Variants in TRMT11 observed in about 807,000 individuals in gnomAD.
TRMT11 encodes tRNA methyltransferase 11, also known as tRNA (guanine(10)-N(2))-methyltransferase TRMT11.
A neutral mutation model predicts 62.8 loss-of-function variants in TRMT11; 53 were observed. The observed-to-expected ratio is 0.84, with a 90% CI of 0.68 to 1.06. The LOEUF (loss-of-function observed/expected upper bound fraction) is 1.06. TRMT11 is among the 50% of genes least tolerant of loss of function. The pLI is 0.00. For missense variants in TRMT11, 556 were observed against 553.4 expected (o/e 1.00, Z -0.05); for synonymous variants, 188 against 190.3 (o/e 0.99, Z 0.10).
At chr6:126,048,821 CT>C (rs1368173667) in intron 16 of TRMT11, among the ~76,000 whole-genome samples, 1 of 152,154 alleles carries the variant, frequency 6.6e-6, no homozygotes, top group Non-Finnish European at 1.5e-5. Context: ...TACCTCAGAC[CT>C]TCCTCCACCC....
chr6:126,044,099 T>G (rs555936771), downstream of TRMT11, among the ~76,000 whole-genome samples: 28 of 152,006 alleles, frequency 1.8e-4, no homozygotes, highest in Non-Finnish European at 3.4e-4. Flanking sequence ...TTGCCATTGC[T>G]TTTGGTGTTT....
chr6:126,101,670 C>T (rs187924079), intron 17 of TRMT11, among the ~76,000 whole-genome samples: 6 of 152,300 alleles, frequency 3.9e-5, no homozygotes, highest in Admixed American at 3.3e-4. Flanking sequence ...TGAAAATACC[C>T]TGGAGGCACA....
chr6:126,042,532 G>T (rs766084175), downstream of TRMT11, among the ~76,000 whole-genome samples: 3 of 152,138 alleles, frequency 2.0e-5, no homozygotes, highest in Admixed American at 6.6e-5. Context: ...GTGATATTAA[G>T]ATGTGCTTAG....
the TRMT11 span, among the ~76,000 whole-genome samples, chr6:126,272,178 G>A: frequency 7.2e-5 from 11 of 152,152 alleles, no homozygotes; most frequent in East Asian, 1.9e-4. Flanking sequence ...TGTATATGGC[G>A]CTTGCATTGG....
At chr6:126,175,448 G>T (rs1367112118), upstream of TRMT11, among the ~76,000 whole-genome samples, 1 of 152,140 alleles carries the variant, frequency 6.6e-6, no homozygotes, top group African/African-American at 2.4e-5. Context: ...GCAAGAGTTA[G>T]TTTATTTTGT....
At chr6:126,139,515 C>T (rs1293573910) in intron 21 of TRMT11, among the ~76,000 whole-genome samples, 1 of 151,928 alleles carries the variant, frequency 6.6e-6, no homozygotes, top group African/African-American at 2.4e-5. Flanking sequence ...ATTACAGGCG[C>T]CTGCTACCAC....
At chr6:126,267,480 C>T in the TRMT11 span, among the ~76,000 whole-genome samples, 1 of 152,094 alleles carries the variant, frequency 6.6e-6, no homozygotes, top group African/African-American at 2.4e-5. Context: ...GCTATTAGGG[C>T]CAAATTATAT....
the TRMT11 span, among the ~76,000 whole-genome samples, chr6:126,271,428 C>G: frequency 6.9e-6 from 1 of 145,892 alleles, no homozygotes; most frequent in Non-Finnish European, 1.5e-5. Flanking sequence ...GCAAAACTGA[C>G]CTATGTGATA....
chr6:126,053,010 A>G (rs1293151892), intron 16 of TRMT11, among the ~76,000 whole-genome samples: 1 of 152,170 alleles, frequency 6.6e-6, no homozygotes, highest in African/African-American at 2.4e-5. Context: ...TAAATGGCCC[A>G]GAAGACTTGC....
chr6:126,058,705 G>T (rs1221293061), intron 17 of TRMT11, among the ~76,000 whole-genome samples: 2 of 152,052 alleles, frequency 1.3e-5, no homozygotes, highest in East Asian at 3.9e-4. Context: ...AAAGAGAGAA[G>T]AATCAAATAG....
At chr6:126,061,909 A>G (rs1013990044) in intron 17 of TRMT11, among the ~76,000 whole-genome samples, 1 of 151,964 alleles carries the variant, frequency 6.6e-6, no homozygotes, top group African/African-American at 2.4e-5. Context: ...TTGAGACAGG[A>G]TCTCCTTCTC....
chr6:126,026,395 T>A (rs77303934), intron 12 of TRMT11, among the ~76,000 whole-genome samples: 1 of 150,252 alleles, frequency 6.7e-6, no homozygotes, highest in Non-Finnish European at 1.5e-5. Context: ...TTTTTTTTAA[T>A]TTTTTTTTTG....
chr6:126,088,696 T>G (rs1230774636), intron 17 of TRMT11, among the ~76,000 whole-genome samples: 1 of 152,248 alleles, frequency 6.6e-6, no homozygotes, highest in African/African-American at 2.4e-5. Flanking sequence ...ACTTTCCTTC[T>G]AGACATCTCT....
chr6:126,139,553 G>C (rs1467975076), intron 21 of TRMT11, among the ~76,000 whole-genome samples: 1 of 151,960 alleles, frequency 6.6e-6, no homozygotes, highest in African/African-American at 2.4e-5. Flanking sequence ...ATTTTTAGTA[G>C]AGATGGGGTT....
chr6:126,034,518 T>C (rs572029411), intron 12 of TRMT11, among the ~76,000 whole-genome samples: 1 of 152,258 alleles, frequency 6.6e-6, no homozygotes, highest in East Asian at 1.9e-4. Context: ...AAAATGATAA[T>C]AGTATAGTCA....
In TRMT11 at chr6:126,147,034, G is replaced by A. The variant is rs1176956890; in HGVS notation, c.*1824-27791G>A. ...TCATATTTTCAATTGTAGGCTCTCA[G>A]GTTAAGGAAAGATTTAAGCAGTTCA... On this transcript the variant is annotated intron_variant and NMD_transcript_variant, in intron 21 of 22. Transcript: ENST00000648977. Among the ~76,000 whole-genome samples the A allele has an allele frequency of 1.5e-4, 6 of 40,932 alleles. 2 individuals carry two copies. Among genetic ancestry groups the A allele is most frequent in the Non-Finnish European group, 3.3e-4 (5 of 15,026 alleles). The allele number at this position is 40,932 out of a possible 152,430, so 26.9% of individuals were successfully genotyped here. A position where few individuals can be genotyped will look rare whatever the true frequency, so the allele number is the denominator to read the frequency against.
rs760066886 is a variant in TRMT11 at position 126,012,795 on chromosome 6, C to T, written c.950C>T (p.Thr317Ile). The change falls in exon 10 of 13, where the codon ACA becomes ATA. Residue 317 changes from threonine to isoleucine, a missense_variant. Thr to Ile is a moderately conservative substitution (Grantham distance 89). Coordinates refer to ENST00000334379, the MANE Select transcript of TRMT11 (RefSeq NM_001031712.3). ...TDPPYGIRESTRRTGSQKEIP... is the reference protein window; with the variant it reads ...TDPPYGIRESIRRTGSQKEIP... Reference sequence around the variant, plus strand: ...GCTCCATATGGTATCAGAGAATCTACAAGAAGAACAGGTTCACAGAAGGAG... The same window carrying T: ...GCTCCATATGGTATCAGAGAATCTATAAGAAGAACAGGTTCACAGAAGGAG... The T allele has an allele frequency of 3.1e-6, 5 of 1,613,516 alleles. No homozygotes were observed. In the East Asian group the frequency reaches 6.7e-5, roughly 22 times the overall value.
intron 21 of TRMT11, among the ~76,000 whole-genome samples, chr6:126,126,751 G>A (rs1021132077): frequency 1.3e-4 from 20 of 152,056 alleles, no homozygotes; most frequent in Admixed American, 3.9e-4. Context: ...CTCTTGCCTG[G>A]TCCAGCCTTG....
intron 16 of TRMT11, among the ~76,000 whole-genome samples, chr6:126,049,692 CA>C (rs1776157535): frequency 6.6e-6 from 1 of 152,110 alleles, no homozygotes. Context: ...GAATTAAGTA[CA>C]CAGGAGAAGC....
Sources: gnomAD v4.1 joint callset for allele counts (sites outside exome capture counted in the v4.1 genomes callset) on GRCh38, gnomAD v4.1.1 for gene constraint, MANE v1.5 for transcripts, NCBI Gene and HGNC (gene_info 2026-07-23, HGNC 2026-07-21) for gene names.